The following SIMC1 variants were observed in gnomAD, a reference collection of about 807,000 sequenced individuals.
The protein encoded by SIMC1 is SUMO interacting motifs containing 1, also known as SUMO-interacting motif-containing protein 1.
In SIMC1, 55 loss-of-function variants were observed where a neutral mutation model predicts 82.3. That is an observed-to-expected ratio of 0.67 (90% CI 0.54 to 0.84). The LOEUF is 0.84. SIMC1 is among the 40% of genes least tolerant of loss of function. The pLI, the probability that SIMC1 is intolerant of heterozygous loss-of-function variation, is 0.00. For missense variants in SIMC1, 915 were observed against 1,107.2 expected (o/e 0.83, Z 2.46); for synonymous variants, 353 against 426.3 (o/e 0.83, Z 2.12).
chr5:176,342,488 G>A (rs376830512), intron 9 of SIMC1, among the ~76,000 whole-genome samples: 5 of 152,188 alleles, frequency 3.3e-5, no homozygotes, highest in South Asian at 4.1e-4. Context: ...TGCCATTAAC[G>A]TGGTATATGC....
intron 7 of SIMC1, among the ~76,000 whole-genome samples, chr5:176,328,766 G>A (rs1765502015): frequency 1.3e-5 from 2 of 152,144 alleles, no homozygotes; most frequent in African/African-American, 4.8e-5. Context: ...TGCACCCACA[G>A]TTCCAACTAC....
In SIMC1 at chr5:176,337,052, A is replaced by G. The variant is rs376601064; in HGVS notation, c.2329-10A>G. On this transcript the variant is annotated splice_polypyrimidine_tract_variant and intron_variant, in intron 8 of 9. Transcript: ENST00000429602. ...GCATTTATTATCAATCCATTTTACT[A>G]TCTCTGCAGTCAGATAAAAGCCAGT... The G allele has an allele frequency of 9.9e-6, 16 of 1,613,280 alleles. No homozygotes were observed. In the African/African-American group the frequency reaches 1.9e-4, roughly 19 times the overall value.
intron 1 of SIMC1, among the ~76,000 whole-genome samples, chr5:176,262,637 G>A (rs560883475): frequency 7.0e-4 from 107 of 152,148 alleles, no homozygotes; most frequent in African/African-American, 2.4e-3. Context: ...AAATCTCGTC[G>A]CTACTAAAAA....
In SIMC1 at chr5:176,291,064, T is replaced by G. The variant is rs1581262076; in HGVS notation, c.1431+109T>G. On this transcript the variant is annotated intron_variant, in intron 2 of 9. Coordinates refer to ENST00000429602, the MANE Select transcript of SIMC1 (RefSeq NM_001308195.2). ...GAGGACAGGTCAAGCATAAATGAAA[T>G]TTCTTATCTTTCCTCCACTTGTGAA... 5.9e-6 allele frequency: 4 copies of G among 673,730 alleles called. No individual in the cohort carries two copies. The East Asian group carries it at 1.1e-4, about 19-fold the overall frequency. The allele number at this position is 673,730 out of a possible 1,614,324, so 41.7% of individuals were successfully genotyped here.
At chr5:176,338,365 A>G (rs1395024044) in intron 9 of SIMC1, among the ~76,000 whole-genome samples, 2 of 152,206 alleles carry the variant, frequency 1.3e-5, no homozygotes, top group South Asian at 2.1e-4. Flanking sequence ...AGAGTTTTCC[A>G]GAAAGAAAGA....
chr5:176,294,580 C>CTT (rs770686176), intron 2 of SIMC1, among the ~76,000 whole-genome samples: 3 of 143,600 alleles, frequency 2.1e-5, no homozygotes, highest in African/African-American at 2.5e-5. Context: ...CACCCGTCCT[C>CTT]TTTTTTTTTT....
intron 4 of SIMC1, among the ~76,000 whole-genome samples, chr5:176,306,915 A>G (rs1422028606): frequency 1.4e-5 from 1 of 72,902 alleles, no homozygotes; most frequent in Admixed American, 1.4e-4. Context: ...CAATAAAAAA[A>G]TAAATTAAAA....
At position 176,271,733 on chromosome 5, in the gene SIMC1, T is replaced by C. The variant is rs571770503; in HGVS notation, c.130-17921T>C. The stretch of plus-strand genomic sequence containing the variant: ...AATGACTGAGGGAGTACAATTGGAA[T>C]GTTCTTAACAAAGAAATGAATTCTT... On this transcript the variant is annotated intron_variant, in intron 1 of 9. Transcript: ENST00000429602. Among the ~76,000 whole-genome samples the C allele has an allele frequency of 1.7e-4, 26 of 151,572 alleles. No homozygotes were observed. In the South Asian group the frequency reaches 5.0e-3, roughly 29 times the overall value.
At chr5:176,303,069 T>C (rs1001813489) in intron 4 of SIMC1, among the ~76,000 whole-genome samples, 1 of 152,028 alleles carries the variant, frequency 6.6e-6, no homozygotes, top group Admixed American at 6.6e-5. Context: ...CTAAATTTCA[T>C]GTTGAATCCC....
At chr5:176,301,646 G>A (rs1764044357) in intron 4 of SIMC1, among the ~76,000 whole-genome samples, 3 of 152,074 alleles carry the variant, frequency 2.0e-5, no homozygotes, top group African/African-American at 7.2e-5. Flanking sequence ...GAGTATGGTG[G>A]CATGCACCTG....
chr5:176,336,918 C>T (rs1765924730), intron 8 of SIMC1, 42 bp downstream of exon 8: 2 of 1,610,632 alleles, frequency 1.2e-6, no homozygotes, highest in Non-Finnish European at 1.7e-6. Flanking sequence ...GAGCACCTCT[C>T]TTTGCTCTAG....
At chr5:176,247,136 G>T (rs1341911481) in intron 1 of SIMC1, among the ~76,000 whole-genome samples, 1 of 152,108 alleles carries the variant, frequency 6.6e-6, no homozygotes, top group Admixed American at 6.5e-5. Flanking sequence ...TAATGGGATT[G>T]CTGGGTCAAA....
chr5:176,338,445 A>G (rs996599702), intron 9 of SIMC1, among the ~76,000 whole-genome samples: 1 of 152,168 alleles, frequency 6.6e-6, no homozygotes, highest in Non-Finnish European at 1.5e-5. Flanking sequence ...AGGAACATAG[A>G]ACAAACTAGC....
At chr5:176,282,094 C>T (rs1282598041) in intron 1 of SIMC1, among the ~76,000 whole-genome samples, 3 of 152,276 alleles carry the variant, frequency 2.0e-5, no homozygotes, top group Non-Finnish European at 4.4e-5. Context: ...CCAGTTGGAG[C>T]TTCCCGGCTG....
intron 1 of SIMC1, among the ~76,000 whole-genome samples, chr5:176,255,064 G>C (rs1475536450): frequency 6.6e-6 from 1 of 151,696 alleles, no homozygotes; most frequent in East Asian, 1.9e-4. Context: ...ATCACCTGAG[G>C]TCAGGGGTTC....
chr5:176,277,028 C>T (rs1282292713), intron 1 of SIMC1, among the ~76,000 whole-genome samples: 1 of 151,186 alleles, frequency 6.6e-6, no homozygotes, highest in Admixed American at 6.6e-5. Flanking sequence ...GCCACACTGA[C>T]TTCCACAATG....
chr5:176,343,537 A>C (rs1335471001), intron 9 of SIMC1, among the ~76,000 whole-genome samples: 1 of 152,228 alleles, frequency 6.6e-6, no homozygotes, highest in Admixed American at 6.5e-5. Context: ...AGTAGAAAGA[A>C]TAGTATAACG....
Position 176,322,432 on chromosome 5 carries a change from G to A in SIMC1, c.2042+7G>A, listed in dbSNP as rs1486199020. ...CAAAGAACACCAATCAGCTGTAAGG[G>A]GCAGGCAGTTCTCTTTCCTGGGGCT... On this transcript the variant is annotated splice_region_variant and intron_variant, in intron 6 of 9. Coordinates refer to ENST00000429602, the MANE Select transcript of SIMC1 (RefSeq NM_001308195.2). 1 of 1,605,640 alleles carries A rather than the reference G, an allele frequency of 6.2e-7. No individual in the cohort carries two copies. Among genetic ancestry groups the A allele is most frequent in the Non-Finnish European group, 8.5e-7 (1 of 1,176,102 alleles).
At chr5:176,273,966 C>T (rs1203712785) in intron 1 of SIMC1, among the ~76,000 whole-genome samples, 11 of 151,452 alleles carry the variant, frequency 7.3e-5, no homozygotes, top group Non-Finnish European at 1.2e-4. Flanking sequence ...AATAAACATA[C>T]GTGTGCATGT....
Sources: gnomAD v4.1 joint callset for allele counts (sites outside exome capture counted in the v4.1 genomes callset) on GRCh38, gnomAD v4.1.1 for gene constraint, MANE v1.5 for transcripts, NCBI Gene and HGNC (gene_info 2026-07-23, HGNC 2026-07-21) for gene names.